Variants in PPM1L observed in about 807,000 individuals in gnomAD.
The protein encoded by PPM1L is protein phosphatase 1L.
PPM1L carries 13 observed loss-of-function variants against 31.4 expected under a neutral mutation model. The ratio of observed to expected loss-of-function variants is 0.41; its 90% CI spans 0.27 to 0.66. The LOEUF (loss-of-function observed/expected upper bound fraction) is 0.66. PPM1L is among the 30% of genes least tolerant of loss of function. PPM1L has a pLI of 0.29. For missense variants in PPM1L, 326 were observed against 453.7 expected, an observed-to-expected ratio of 0.72 and a Z score of 2.56; for synonymous variants, 184 against 175.4, an observed-to-expected ratio of 1.05 and a Z score of -0.39.
chr3:160,884,191 T>G (rs1435272926), intron 1 of PPM1L, among the ~76,000 whole-genome samples: 1 of 152,168 alleles, frequency 6.6e-6, no homozygotes, highest in Admixed American at 6.5e-5. Flanking sequence ...GATAATATGA[T>G]TATTGCTTTA....
intron 2 of PPM1L, among the ~76,000 whole-genome samples, chr3:160,983,204 G>T (rs1002515961): frequency 6.6e-6 from 1 of 152,170 alleles, no homozygotes; most frequent in South Asian, 2.1e-4. Flanking sequence ...TTATGAGCCT[G>T]ATATAATTGC....
intron 1 of PPM1L, among the ~76,000 whole-genome samples, chr3:160,957,818 C>T (rs1436353849): frequency 1.3e-5 from 2 of 152,002 alleles, no homozygotes; most frequent in Non-Finnish European, 2.9e-5. Flanking sequence ...CCTTGTGATC[C>T]GCCCGCCTCA....
At chr3:160,951,163 C>A (rs1198731970) in intron 1 of PPM1L, among the ~76,000 whole-genome samples, 1 of 152,204 alleles carries the variant, frequency 6.6e-6, no homozygotes, top group Non-Finnish European at 1.5e-5. Context: ...GTTTTCTCAA[C>A]AGATTGATGA....
chr3:160,801,128 T>TATAC (rs1208292425), intron 1 of PPM1L, among the ~76,000 whole-genome samples: 7 of 145,590 alleles, frequency 4.8e-5, no homozygotes, highest in Non-Finnish European at 4.6e-5. Context: ...TGTTTAGTGA[T>TATAC]ACACACACAC....
At chr3:160,764,116 G>A (rs900135844) in intron 1 of PPM1L, among the ~76,000 whole-genome samples, 1 of 151,962 alleles carries the variant, frequency 6.6e-6, no homozygotes, top group African/African-American at 2.4e-5. Flanking sequence ...TGGTCATTTT[G>A]TTTGTTTGTT....
At chr3:161,055,159 C>T (rs1719378433) in intron 2 of PPM1L, among the ~76,000 whole-genome samples, 1 of 152,102 alleles carries the variant, frequency 6.6e-6, no homozygotes, top group South Asian at 2.1e-4. Flanking sequence ...AAGATTAAAG[C>T]TTACTGTTTA....
intron 1 of PPM1L, among the ~76,000 whole-genome samples, chr3:160,820,123 A>T (rs888292941): frequency 1.3e-5 from 2 of 152,080 alleles, no homozygotes; most frequent in African/African-American, 4.8e-5. Context: ...TGAGGAGAGG[A>T]TGATGAGGCA....
intron 1 of PPM1L, among the ~76,000 whole-genome samples, chr3:160,763,819 G>A (rs1006282327): frequency 1.3e-5 from 2 of 152,144 alleles, no homozygotes; most frequent in Non-Finnish European, 1.5e-5. Flanking sequence ...ACTCAGGAGC[G>A]TGGGCCATTG....
At chr3:160,964,617 G>A (rs932382412) in intron 2 of PPM1L, among the ~76,000 whole-genome samples, 4 of 151,936 alleles carry the variant, frequency 2.6e-5, no homozygotes, top group East Asian at 3.9e-4. Flanking sequence ...TAGTCTTTTC[G>A]TGGCATACAG....
At chr3:160,814,179 A>T (rs1429205524) in intron 1 of PPM1L, among the ~76,000 whole-genome samples, 2 of 152,056 alleles carry the variant, frequency 1.3e-5, no homozygotes, top group Non-Finnish European at 2.9e-5. Context: ...ATCTCATTTC[A>T]TTGCCTTCCC....
At chr3:161,014,904 A>G (rs1718030807) in intron 2 of PPM1L, among the ~76,000 whole-genome samples, 1 of 152,224 alleles carries the variant, frequency 6.6e-6, no homozygotes, top group African/African-American at 2.4e-5. Flanking sequence ...ACTGAAATCC[A>G]CCACTTACGG....
At chr3:160,981,060 C>T (rs1019474258) in intron 2 of PPM1L, among the ~76,000 whole-genome samples, 7 of 152,288 alleles carry the variant, frequency 4.6e-5, no homozygotes, top group African/African-American at 1.7e-4. Context: ...CTCCATAAGC[C>T]TCCTCTTCCT....
intron 1 of PPM1L, among the ~76,000 whole-genome samples, chr3:160,867,175 A>G (rs1712121915): frequency 1.3e-5 from 2 of 152,192 alleles, no homozygotes; most frequent in Admixed American, 1.3e-4. Flanking sequence ...AGGTAAGATG[A>G]TCAGCAAATA....
intron 1 of PPM1L, among the ~76,000 whole-genome samples, chr3:160,862,654 A>G (rs1385038138): frequency 7.8e-6 from 1 of 128,884 alleles, no homozygotes; most frequent in African/African-American, 3.0e-5. Flanking sequence ...TCCTAATCCT[A>G]GGCACACGCA....
chr3:160,794,355 A>T (rs1576640496), intron 1 of PPM1L, among the ~76,000 whole-genome samples: 1 of 151,986 alleles, frequency 6.6e-6, no homozygotes, highest in African/African-American at 2.4e-5. Flanking sequence ...GGAATTGAGA[A>T]CCCTACTGTG....
chr3:161,017,617 G>T (rs185944137), intron 2 of PPM1L, among the ~76,000 whole-genome samples: 24 of 152,238 alleles, frequency 1.6e-4, no homozygotes, highest in African/African-American at 5.5e-4. Context: ...GTCGTGGGAG[G>T]TTGAAAACAT....
chr3:160,943,376 G>A lies in PPM1L; in HGVS notation c.400-18360G>A, dbSNP rs140189888. On this transcript the variant is annotated intron_variant, in intron 1 of 3. Transcript: ENST00000498165. ...AGGTTAAAATAATTTTTCATCAGTT[G>A]GAGTATTAAAGTTGAGTTAAATGGG... 9.9e-3 allele frequency among the ~76,000 whole-genome samples: 1,505 copies of A among 152,242 alleles called. 28 individuals are homozygous for A. The highest frequency in any genetic ancestry group is 0.034 in the African/African-American group (1,433 of 41,540).
intron 1 of PPM1L, among the ~76,000 whole-genome samples, chr3:160,866,461 T>C (rs1242716406): frequency 2.6e-5 from 4 of 152,234 alleles, no homozygotes; most frequent in Non-Finnish European, 4.4e-5. Flanking sequence ...CTTATTCACA[T>C]TTCCTTTAGA....
At chr3:160,872,602 C>T in intron 1 of PPM1L, among the ~76,000 whole-genome samples, 1 of 152,152 alleles carries the variant, frequency 6.6e-6, no homozygotes, top group East Asian at 1.9e-4. Flanking sequence ...ACACTAAATA[C>T]ACTACTAGTT....
Sources: gnomAD v4.1 joint callset for allele counts (sites outside exome capture counted in the v4.1 genomes callset) on GRCh38, gnomAD v4.1.1 for gene constraint, MANE v1.5 for transcripts, NCBI Gene and HGNC (gene_info 2026-07-23, HGNC 2026-07-21) for gene names.